The following GRHL2 variants were observed in gnomAD, a reference collection of about 807,000 sequenced individuals.
The protein encoded by GRHL2 is grainyhead-like protein 2 homolog.
A neutral mutation model predicts 83.8 loss-of-function variants in GRHL2; 21 were observed. The ratio of observed to expected loss-of-function variants is 0.25; its 90% CI spans 0.18 to 0.36. The LOEUF is 0.36. Among genes scored for constraint, GRHL2 ranks in the 10% least tolerant of loss-of-function variants. The pLI is 1.00. For synonymous variants in GRHL2, 280 were observed against 278.9 expected (o/e 1.00, Z -0.04); for missense variants, 623 against 781.8 (o/e 0.80, Z 2.42).
At chr8:101,581,358 A>G (rs144048779) in intron 7 of GRHL2, among the ~76,000 whole-genome samples, 159 of 152,340 alleles carry the variant, frequency 1.0e-3, no homozygotes, top group African/African-American at 3.7e-3. Flanking sequence ...AGGCCCAAGT[A>G]GATTCTGCTG....
chr8:101,509,187 T>TCTTTCTTTCTTCTTTCTTTC (rs5893565), intron 1 of GRHL2, among the ~76,000 whole-genome samples: 2 of 21,054 alleles, frequency 9.5e-5, no homozygotes, highest in African/African-American at 1.6e-4. Flanking sequence ...TTTCTTTCTT[T>TCTTTCTTTCTTCTTTCTTTC]TCTCTCTTTC....
At chr8:101,622,795 T>C (rs549477010) in intron 9 of GRHL2, among the ~76,000 whole-genome samples, 1 of 152,340 alleles carries the variant, frequency 6.6e-6, no homozygotes, top group African/African-American at 2.4e-5. Context: ...ACCCGAGCAG[T>C]ACACACTGCA....
chr8:101,545,870 A>ATTT lies in GRHL2; in HGVS notation c.216+2462_216+2464dup, dbSNP rs1174568425. Among the ~76,000 whole-genome samples the ATTT allele has an allele frequency of 1.0e-3, 85 of 83,638 alleles. 9 individuals carry two copies. The highest frequency in any genetic ancestry group is 1.5e-3 in the African/African-American group (31 of 20,922). 54.9% of individuals were successfully genotyped at this position (83,638 alleles called of 152,430 possible). A position where few individuals can be genotyped will look rare whatever the true frequency, so the allele number is the denominator to read the frequency against. On this transcript the variant is annotated intron_variant, in intron 2 of 15. Transcript: ENST00000646743. ...GATCATTACAACTTCTCTTTGTAAC[A>ATTT]TTTTTTTTTTTTTTTTTTTTTTTTT... is the stretch of plus-strand genomic sequence containing the variant.
At chr8:101,659,829 A>G (rs1253133804) in intron 14 of GRHL2, among the ~76,000 whole-genome samples, 2 of 152,228 alleles carry the variant, frequency 1.3e-5, no homozygotes, top group Non-Finnish European at 2.9e-5. Flanking sequence ...TGGAAACAGC[A>G]TTAACAGCAT....
At chr8:101,519,985 G>C (rs1324085445) in intron 1 of GRHL2, among the ~76,000 whole-genome samples, 3 of 151,996 alleles carry the variant, frequency 2.0e-5, no homozygotes, top group Non-Finnish European at 2.9e-5. Flanking sequence ...ATTTTAATCA[G>C]GCAAACTCAA....
chr8:101,631,602 C>G (rs1234347317), intron 9 of GRHL2, 35 bp from the exon 10 acceptor site: 1 of 1,540,678 alleles, frequency 6.5e-7, no homozygotes, highest in Admixed American at 1.7e-5. Context: ...TGCTAATATG[C>G]CTGGCATTTT....
At chr8:101,632,857 G>T (rs2387625) in intron 11 of GRHL2, among the ~76,000 whole-genome samples, 63,074 of 152,056 alleles carry the variant, frequency 0.41, 15,386 homozygotes, top group Non-Finnish European at 0.55. Flanking sequence ...AAATGAGGTT[G>T]TAGGCAAGCC....
chr8:101,603,000 C>G (rs1812550009), intron 8 of GRHL2, among the ~76,000 whole-genome samples: 1 of 152,174 alleles, frequency 6.6e-6, no homozygotes, highest in Non-Finnish European at 1.5e-5. Flanking sequence ...TGTGTCCCCA[C>G]TGTTGAAAAC....
chr8:101,515,072 A>C (rs1235788389), intron 1 of GRHL2, among the ~76,000 whole-genome samples: 146 of 103,610 alleles, frequency 1.4e-3, no homozygotes, highest in Middle Eastern at 6.4e-3. Context: ...CCTTGTTCCT[A>C]CCTCCCTCCC....
chr8:101,624,410 T>C (rs1180338919), intron 9 of GRHL2, among the ~76,000 whole-genome samples: 1 of 149,766 alleles, frequency 6.7e-6, no homozygotes, highest in African/African-American at 2.5e-5. Flanking sequence ...AGTAAGACAG[T>C]TCACATTACA....
At chr8:101,626,423 A>G (rs923371508) in intron 9 of GRHL2, among the ~76,000 whole-genome samples, 1 of 152,126 alleles carries the variant, frequency 6.6e-6, no homozygotes, top group Non-Finnish European at 1.5e-5. Flanking sequence ...CTACATACAT[A>G]GATACCTATG....
At chr8:101,619,808 T>G in intron 9 of GRHL2, 111 bp downstream of exon 9, 1 of 804,722 alleles carries the variant, frequency 1.2e-6, no homozygotes, top group Non-Finnish European at 2.1e-6. Flanking sequence ...AAATATTCAC[T>G]TTACTCATCA....
At chr8:101,604,007 GTTTTTTTTTTGC>G (rs1563603122) in intron 8 of GRHL2, among the ~76,000 whole-genome samples, 1 of 110,706 alleles carries the variant, frequency 9.0e-6, no homozygotes. Context: ...CCCCTGTTGA[GTTTTTTTTTTGC>G]AAAAAAAAAA....
intron 2 of GRHL2, among the ~76,000 whole-genome samples, chr8:101,545,832 A>G (rs1417149214): frequency 7.7e-6 from 1 of 130,496 alleles, no homozygotes; most frequent in African/African-American, 2.9e-5. Flanking sequence ...AGTGACCCTG[A>G]TTTGATTATT....
intron 1 of GRHL2, among the ~76,000 whole-genome samples, chr8:101,531,611 G>C (rs1326795054): frequency 6.6e-6 from 1 of 152,018 alleles, no homozygotes; most frequent in South Asian, 2.1e-4. Flanking sequence ...CATTTCATAA[G>C]TTGCCATCTC....
chr8:101,511,122 A>G (rs931622157), intron 1 of GRHL2, among the ~76,000 whole-genome samples: 1 of 152,026 alleles, frequency 6.6e-6, no homozygotes, highest in Non-Finnish European at 1.5e-5. Context: ...ATTTTTTTTC[A>G]CTTGCCTTAT....
chr8:101,530,902 G>A (rs1425036193), intron 1 of GRHL2, among the ~76,000 whole-genome samples: 2 of 152,074 alleles, frequency 1.3e-5, no homozygotes, highest in Admixed American at 1.3e-4. Flanking sequence ...ATAGAGCATG[G>A]TCAAGAGTAG....
intron 12 of GRHL2, among the ~76,000 whole-genome samples, chr8:101,642,691 C>T (rs1273987925): frequency 6.6e-6 from 1 of 152,154 alleles, no homozygotes; most frequent in Non-Finnish European, 1.5e-5. Flanking sequence ...CATAGTTTGA[C>T]TTACTAGGAA....
chr8:101,515,493 T>C (rs1810554933), intron 1 of GRHL2, among the ~76,000 whole-genome samples: 1 of 152,196 alleles, frequency 6.6e-6, no homozygotes, highest in African/African-American at 2.4e-5. Flanking sequence ...TCCTGCCATT[T>C]CTGCTCTTTC....
Sources: allele counts gnomAD v4.1 joint callset (sites outside exome capture counted in the v4.1 genomes callset), GRCh38; gene constraint gnomAD v4.1.1; transcripts MANE v1.5; gene names NCBI Gene and HGNC (gene_info 2026-07-23, HGNC 2026-07-21).